STRA8: variants seen among roughly 807,000 people sequenced by gnomAD.
STRA8 encodes stimulated by retinoic acid 8.
STRA8 carries 18 observed loss-of-function variants against 37.1 expected under a neutral mutation model. The ratio of observed to expected loss-of-function variants is 0.48; its 90% CI spans 0.34 to 0.72. The LOEUF (loss-of-function observed/expected upper bound fraction) is 0.72, where lower values mean the gene tolerates loss of function less well. Ranked by LOEUF, STRA8 falls within the 30% of genes least tolerant of loss-of-function variation. The probability of loss-of-function intolerance (pLI) is 0.01; values close to 1 mark genes in which losing one functional copy is unlikely to be tolerated. For missense variants in STRA8, 357 were observed against 410.4 expected (o/e 0.87, Z 1.13); for synonymous variants, 168 against 162.9 (o/e 1.03, Z -0.24).
chr7:135,248,863 C>G (rs982259885), intron 6 of STRA8, among the ~76,000 whole-genome samples: 6 of 152,166 alleles, frequency 3.9e-5, no homozygotes, highest in Non-Finnish European at 8.8e-5. Flanking sequence ...GGTCCTTTCC[C>G]CGACCCCCGA....
At position 135,246,763 on chromosome 7, in the gene STRA8, G is replaced by A. The variant is rs1018538641; in HGVS notation, c.879+61G>A. 1.1e-4 allele frequency: 162 copies of A among 1,451,424 alleles called. No homozygotes were observed. Among genetic ancestry groups the A allele is most frequent in the Non-Finnish European group, 1.3e-4 (147 of 1,105,366 alleles). 89.9% of individuals were successfully genotyped at this position (1,451,424 alleles called of 1,614,324 possible). A position where few individuals can be genotyped will look rare whatever the true frequency, so the allele number is the denominator to read the frequency against. On this transcript the variant is annotated intron_variant, in intron 6 of 8. Coordinates refer to ENST00000662584, the MANE Select transcript of STRA8 (RefSeq NM_001394401.1). The surrounding 1 kb of genome is among the most constrained non-coding windows in gnomAD (Gnocchi z 5.4). ...CGGGAACCACCCTCGCCCTCGCCTG[G>A]GGACACCAGGGCTTTGCATTTAGCA... is the stretch of plus-strand genomic sequence containing the variant.
intron 8 of STRA8, among the ~76,000 whole-genome samples, chr7:135,257,357 G>A (rs150460632): frequency 6.6e-6 from 1 of 152,348 alleles, no homozygotes; most frequent in Non-Finnish European, 1.5e-5. Flanking sequence ...AGAGGAAGAA[G>A]TCATGGAGAG....
At chr7:135,248,443 C>T (rs530106547) in intron 6 of STRA8, among the ~76,000 whole-genome samples, 1 of 152,254 alleles carries the variant, frequency 6.6e-6, no homozygotes, top group East Asian at 1.9e-4. Flanking sequence ...GTGGCTCACA[C>T]CTGTAATCCC....
At chr7:135,232,202 G>C (rs942640656), upstream of STRA8, among the ~76,000 whole-genome samples, 1 of 151,968 alleles carries the variant, frequency 6.6e-6, no homozygotes, top group South Asian at 2.1e-4. Flanking sequence ...ATCTTGGTGC[G>C]AGGATAAGGC....
chr7:135,241,618 C>T (rs758543279), intron 2 of STRA8, among the ~76,000 whole-genome samples: 1 of 152,240 alleles, frequency 6.6e-6, no homozygotes, highest in Non-Finnish European at 1.5e-5. Context: ...TTGGCTCACT[C>T]TGCTCAGCTG....
intron 1 of STRA8, among the ~76,000 whole-genome samples, 24 bp downstream of exon 1, chr7:135,233,927 C>T (rs1205090400): frequency 6.6e-6 from 1 of 152,174 alleles, no homozygotes; most frequent in Non-Finnish European, 1.5e-5. Flanking sequence ...GAACGCTCCT[C>T]TCCAGAAAGG....
chr7:135,247,758 C>G (rs1046386866), intron 6 of STRA8, among the ~76,000 whole-genome samples: 1 of 152,222 alleles, frequency 6.6e-6, no homozygotes, highest in Non-Finnish European at 1.5e-5. Flanking sequence ...GCTTTCAGAA[C>G]GCTAGTCAGA....
chr7:135,256,471 G>A (rs1429581886), intron 8 of STRA8, among the ~76,000 whole-genome samples: 1 of 152,162 alleles, frequency 6.6e-6, no homozygotes, highest in African/African-American at 2.4e-5. Context: ...CTCCATATAT[G>A]GCAGAAAAGA....
At chr7:135,232,306 C>G (rs1585462064), upstream of STRA8, among the ~76,000 whole-genome samples, 1 of 151,544 alleles carries the variant, frequency 6.6e-6, no homozygotes. Context: ...TGTGGGCAGG[C>G]CCAGGAGAGA....
chr7:135,234,232 G>A (rs541022809), intron 1 of STRA8, among the ~76,000 whole-genome samples: 4 of 152,082 alleles, frequency 2.6e-5, no homozygotes, highest in East Asian at 1.9e-4. Flanking sequence ...TCAGCTTCCC[G>A]AGTAGCTGGA....
At chr7:135,255,668 G>T (rs1832694588) in intron 8 of STRA8, among the ~76,000 whole-genome samples, 1 of 152,214 alleles carries the variant, frequency 6.6e-6, no homozygotes, top group South Asian at 2.1e-4. Context: ...ATGAGAATCT[G>T]ACTAATGCCT....
At position 135,245,358 on chromosome 7, in the gene STRA8, G is replaced by A; in HGVS notation, c.424G>A (p.Ala142Thr). The A allele has an allele frequency of 6.4e-6, 5 of 780,822 alleles. No homozygotes were observed. The highest frequency in any genetic ancestry group is 1.2e-5 in the Non-Finnish European group (5 of 418,030). The allele number at this position is 780,822 out of a possible 1,614,324, so 48.4% of individuals were successfully genotyped here. A position where few individuals can be genotyped will look rare whatever the true frequency, so the allele number is the denominator to read the frequency against. The change falls in exon 5 of 9, where the codon GCT (alanine) becomes ACT (threonine). Residue 142 changes from alanine (A) to threonine (T), a missense_variant. By Grantham distance (58) the Ala-to-Thr change is moderately conservative. Coordinates refer to ENST00000662584, the MANE Select transcript of STRA8 (RefSeq NM_001394401.1). ...WCPTEAVRKDAEEEEDEEEED... is the reference protein window; with the variant it reads ...WCPTEAVRKDTEEEEDEEEED... ...CCCAACTGAGGCAGTCAGGAAGGATGCTGAGGAGGAGGAAGATGAGGAAGA... is the reference window on the plus strand; with the variant it reads ...CCCAACTGAGGCAGTCAGGAAGGATACTGAGGAGGAGGAAGATGAGGAAGA...
At chr7:135,255,316 C>T in intron 8 of STRA8, 91 bp downstream of exon 8, 1 of 914,188 alleles carries the variant, frequency 1.1e-6, no homozygotes, top group Non-Finnish European at 1.7e-6. Context: ...AGAACTCACC[C>T]CAATCATACC....
At chr7:135,236,707 G>A (rs1451504575) in intron 1 of STRA8, among the ~76,000 whole-genome samples, 3 of 151,984 alleles carry the variant, frequency 2.0e-5, no homozygotes, top group Non-Finnish European at 4.4e-5. Context: ...TTCGGGTTAG[G>A]GTGGAACTAA....
chr7:135,237,465 G>C (rs1306272407), intron 1 of STRA8, among the ~76,000 whole-genome samples: 1 of 152,106 alleles, frequency 6.6e-6, no homozygotes, highest in Middle Eastern at 3.2e-3. Flanking sequence ...GGCTAATCTT[G>C]GAATAAGGCG....
chr7:135,238,957 G>A lies in STRA8; in HGVS notation c.-6-1562G>A, dbSNP rs540068796. ...TAACAGATGTGACAGAGACATGCACGGACCAGCATGGGCAACCACAGCATC... is the reference window on the plus strand; with the variant it reads ...TAACAGATGTGACAGAGACATGCACAGACCAGCATGGGCAACCACAGCATC... On this transcript the variant is annotated intron_variant, in intron 1 of 8. Transcript: ENST00000662584. 1.5e-4 allele frequency among the ~76,000 whole-genome samples: 23 copies of A among 152,254 alleles called. No individual in the cohort carries two copies. In the South Asian group the frequency reaches 3.1e-3, roughly 21 times the overall value.
Position 135,245,342 on chromosome 7 carries a change from G to A in STRA8, c.408G>A (p.Glu136=), listed in dbSNP as rs1243720471. The A allele has an allele frequency of 2.6e-6, 2 of 780,896 alleles. No homozygotes were observed. The highest frequency in any genetic ancestry group is 4.8e-5 in the East Asian group (2 of 41,248). 48.4% of individuals were successfully genotyped at this position (780,896 alleles called of 1,614,324 possible). A position where few individuals can be genotyped will look rare whatever the true frequency, so the allele number is the denominator to read the frequency against. ...GTTCCTCCCCTTGGTGCCCAACTGA[G>A]GCAGTCAGGAAGGATGCTGAGGAGG... ...QNGSSPWCPT[E]AVRKDAEEEE... is the part of the protein sequence containing the mutation. The change falls in exon 5 of 9, where the codon GAG becomes GAA. Residue 136 remains glutamate (E), a synonymous_variant. Coordinates refer to ENST00000662584, the MANE Select transcript of STRA8 (RefSeq NM_001394401.1).
chr7:135,247,440 TATGGA>T (rs1350227512), intron 6 of STRA8, among the ~76,000 whole-genome samples: 1 of 152,222 alleles, frequency 6.6e-6, no homozygotes, highest in African/African-American at 2.4e-5. Flanking sequence ...CTCCTGTGGC[TATGGA>T]ATGGCAGCTA....
At position 135,255,221 on chromosome 7, in the gene STRA8, A is replaced by G. The variant is rs1283122488; in HGVS notation, c.1061A>G (p.Lys354Arg). ...CTTAGCTGTGCAAACACTCAAGTAAAGCAGGTAGGATGGAGTAGAGGGCCG... is the reference window on the plus strand; with the variant it reads ...CTTAGCTGTGCAAACACTCAAGTAAGGCAGGTAGGATGGAGTAGAGGGCCG... ...KGLSCANTQV[K>R]QEASFPVDEE... Residue 354 changes from lysine to arginine, a missense_variant, in exon 8 of 9, where the codon AAG (lysine) becomes AGG (arginine). Lys to Arg is a conservative substitution (Grantham distance 26). Transcript: ENST00000662584. 1 of 1,612,802 alleles carries G rather than the reference A, an allele frequency of 6.2e-7. No individual in the cohort carries two copies. The highest frequency in any genetic ancestry group is 1.7e-5 in the Admixed American group (1 of 60,016).
Sources: gnomAD v4.1 joint callset for allele counts (sites outside exome capture counted in the v4.1 genomes callset) on GRCh38, gnomAD v4.1.1 for gene constraint, Gnocchi (gnomAD v3.1) non-coding constraint, MANE v1.5 for transcripts, NCBI Gene and HGNC (gene_info 2026-07-23, HGNC 2026-07-21) for gene names.